Variants in LRFN2 observed in about 807,000 individuals in gnomAD.
The protein encoded by LRFN2 is leucine rich repeat and fibronectin type III domain containing 2.
LRFN2 carries 18 observed loss-of-function variants against 37.3 expected under a neutral mutation model. That is an observed-to-expected ratio of 0.48 (90% CI 0.33 to 0.72). LRFN2 has a LOEUF of 0.72. Among genes scored for constraint, LRFN2 ranks in the 30% least tolerant of loss-of-function variants. LRFN2 has a pLI of 0.02. For synonymous variants in LRFN2, 556 were observed against 466.6 expected (o/e 1.19, Z -2.47); for missense variants, 1,006 against 1,060.7 (o/e 0.95, Z 0.72).
rs542394451 is a variant in LRFN2, at chr6:40,539,697, C to A, written c.-19+47244G>T. The stretch of plus-strand genomic sequence containing the variant: ...CACAGGATTCGCAGCCCCCATGGCA[C>A]TGGGGAGCCCAAGACAACTGGTTGG... On this transcript the variant is annotated intron_variant, in intron 1 of 2. Transcript: ENST00000338305. Among the ~76,000 whole-genome samples, 45 of 152,316 alleles carry A rather than the reference C, an allele frequency of 3.0e-4. No individual in the cohort carries two copies. In the South Asian group the frequency reaches 9.3e-3, roughly 32 times the overall value.
intron 1 of LRFN2, among the ~76,000 whole-genome samples, chr6:40,458,386 A>T (rs1249266512): frequency 2.0e-5 from 3 of 152,300 alleles, no homozygotes; most frequent in East Asian, 3.9e-4. Context: ...CTTTTATTTT[A>T]AAAAAGTACT....
At chr6:40,407,576 G>T (rs571486061) in intron 2 of LRFN2, among the ~76,000 whole-genome samples, 7 of 152,240 alleles carry the variant, frequency 4.6e-5, no homozygotes, top group Admixed American at 4.6e-4. Context: ...TCTCCTGGAG[G>T]AGCTGAGAAG....
intron 1 of LRFN2, among the ~76,000 whole-genome samples, chr6:40,514,915 C>T (rs1299474349): frequency 6.6e-6 from 1 of 152,162 alleles, no homozygotes; most frequent in African/African-American, 2.4e-5. Flanking sequence ...TTATGCTGCC[C>T]CTGGCTGGAG....
chr6:40,580,353 C>T (rs115542021), intron 1 of LRFN2, among the ~76,000 whole-genome samples: 4,134 of 152,276 alleles, frequency 0.027, 93 homozygotes, highest in Admixed American at 0.041. Context: ...TGCACATGTC[C>T]TGGCTGAGAA....
At chr6:40,483,943 G>A (rs568045462) in intron 1 of LRFN2, among the ~76,000 whole-genome samples, 3 of 152,252 alleles carry the variant, frequency 2.0e-5, no homozygotes, top group South Asian at 4.1e-4. Flanking sequence ...AGCATTCCTG[G>A]CTCAGAGAGA....
chr6:40,556,277 C>A (rs1301894442), intron 1 of LRFN2, among the ~76,000 whole-genome samples: 2 of 152,234 alleles, frequency 1.3e-5, no homozygotes, highest in Non-Finnish European at 2.9e-5. Flanking sequence ...GCAGCAGGGA[C>A]CCAGCCCCGA....
At chr6:40,585,208 G>A (rs1384188901) in intron 1 of LRFN2, among the ~76,000 whole-genome samples, 1 of 152,188 alleles carries the variant, frequency 6.6e-6, no homozygotes, top group Non-Finnish European at 1.5e-5. Context: ...TCCCCAGGAT[G>A]AGGGCAGGAA....
rs373574 is a variant in LRFN2, at chr6:40,549,038, G to A, written c.-19+37903C>T. Among the ~76,000 whole-genome samples the A allele has an allele frequency of 3.1e-4, 47 of 152,210 alleles. No homozygotes were observed. In the South Asian group the frequency reaches 3.1e-3, roughly 10 times the overall value. On this transcript the variant is annotated intron_variant, in intron 1 of 2. Coordinates refer to ENST00000338305, the MANE Select transcript of LRFN2 (RefSeq NM_020737.3). Reference sequence around the variant, plus strand: ...GAATTTGGTAACAGAATTGGGATGCGGAAATAATTGACCCTATGATGTCAG... The same window carrying A: ...GAATTTGGTAACAGAATTGGGATGCAGAAATAATTGACCCTATGATGTCAG...
At chr6:40,498,478 C>T (rs535549249) in intron 1 of LRFN2, among the ~76,000 whole-genome samples, 1 of 152,320 alleles carries the variant, frequency 6.6e-6, no homozygotes, top group East Asian at 1.9e-4. Flanking sequence ...GTCACCTGCA[C>T]TGTGGCTGCC....
chr6:40,515,166 A>G (rs1581767580), intron 1 of LRFN2, among the ~76,000 whole-genome samples: 3 of 152,292 alleles, frequency 2.0e-5, no homozygotes, highest in South Asian at 4.1e-4. Context: ...TGCTAAAATG[A>G]GTGTGCTTTT....
chr6:40,432,179 G>A lies in LRFN2; in HGVS notation c.935C>T (p.Ala312Val). The A allele has an allele frequency of 3.7e-6, 6 of 1,613,840 alleles. No homozygotes were observed. Among genetic ancestry groups the A allele is most frequent in the Non-Finnish European group, 5.1e-6 (6 of 1,180,028 alleles). The change falls in exon 2 of 3, where the codon GCC becomes GTC. Residue 312 changes from alanine (A) to valine (V), a missense_variant. Coordinates refer to ENST00000338305, the MANE Select transcript of LRFN2 (RefSeq NM_020737.3). ...GATAAGGGGGCTGGGGTCCCCAATG[G>A]CTTTGCACTTGAGTGTGGCCGCCTG... ...EGQAATLKCK[A>V]IGDPSPLIHW...
chr6:40,403,916 C>G (rs1762792790), intron 2 of LRFN2, among the ~76,000 whole-genome samples: 1 of 152,186 alleles, frequency 6.6e-6, no homozygotes. Flanking sequence ...TCCTTCTACT[C>G]CCCATTCTTA....
At chr6:40,512,677 G>C (rs1445945155) in intron 1 of LRFN2, among the ~76,000 whole-genome samples, 1 of 152,160 alleles carries the variant, frequency 6.6e-6, no homozygotes, top group African/African-American at 2.4e-5. Context: ...ATTCCTCCTG[G>C]GGGCCCACCA....
chr6:40,449,808 TA>T (rs1275539422), intron 1 of LRFN2, among the ~76,000 whole-genome samples: 2 of 152,222 alleles, frequency 1.3e-5, no homozygotes, highest in Non-Finnish European at 2.9e-5. Context: ...TACCTAGCCA[TA>T]GCACAATTGA....
intron 1 of LRFN2, among the ~76,000 whole-genome samples, chr6:40,490,405 C>A (rs961146967): frequency 2.6e-5 from 4 of 152,270 alleles, no homozygotes; most frequent in African/African-American, 4.8e-5. Context: ...GAAGGGCTGC[C>A]ATTCTGAAGC....
At chr6:40,484,372 C>T (rs1371351096) in intron 1 of LRFN2, among the ~76,000 whole-genome samples, 1 of 152,132 alleles carries the variant, frequency 6.6e-6, no homozygotes, top group African/African-American at 2.4e-5. Context: ...GCAAGGACTC[C>T]CCAATGGATC....
intron 1 of LRFN2, among the ~76,000 whole-genome samples, chr6:40,565,721 T>C (rs1767077871): frequency 6.6e-6 from 1 of 151,310 alleles, no homozygotes; most frequent in South Asian, 2.1e-4. Flanking sequence ...TTACACCTTA[T>C]ACAAAAATTA....
intron 1 of LRFN2, among the ~76,000 whole-genome samples, chr6:40,527,784 C>A (rs970782621): frequency 4.6e-5 from 7 of 152,150 alleles, no homozygotes; most frequent in African/African-American, 1.7e-4. Flanking sequence ...AGCAAGAGCA[C>A]CTTAAGGCAT....
At chr6:40,420,783 G>C (rs1763210899) in intron 2 of LRFN2, among the ~76,000 whole-genome samples, 1 of 152,240 alleles carries the variant, frequency 6.6e-6, no homozygotes, top group African/African-American at 2.4e-5. Flanking sequence ...GCCTGTCTTA[G>C]TTTGGGTTTC....
Sources: gnomAD v4.1 joint callset for allele counts (sites outside exome capture counted in the v4.1 genomes callset) on GRCh38, gnomAD v4.1.1 for gene constraint, MANE v1.5 for transcripts, NCBI Gene and HGNC (gene_info 2026-07-23, HGNC 2026-07-21) for gene names.